Variants in ABR observed in about 807,000 individuals in gnomAD.
ABR encodes the protein ABR activator of RhoGEF and GTPase, also known as active breakpoint cluster region-related protein.
ABR carries 35 observed loss-of-function variants against 107.2 expected under a neutral mutation model. The observed-to-expected ratio is 0.33, with a 90% CI of 0.25 to 0.43. The LOEUF is 0.43. Ranked by LOEUF, ABR falls within the 20% of genes least tolerant of loss-of-function variation. The probability of loss-of-function intolerance (pLI) is 1.00; values close to 1 mark genes in which losing one functional copy is unlikely to be tolerated. For missense variants in ABR, 815 were observed against 1,115.2 expected (o/e 0.73, Z 3.83); for synonymous variants, 498 against 462.0 (o/e 1.08, Z -1.00).
intron 16 of ABR, among the ~76,000 whole-genome samples, chr17:1,019,208 G>T (rs747951708): frequency 1.3e-5 from 2 of 152,178 alleles, no homozygotes; most frequent in Admixed American, 1.3e-4. Context: ...TGCACCTCCT[G>T]ATGCTAAGGC....
chr17:1,203,343 G>A (rs892521410), intron 1 of ABR, among the ~76,000 whole-genome samples: 2 of 148,948 alleles, frequency 1.3e-5, no homozygotes, highest in Admixed American at 1.3e-4. Context: ...GGGTCCGCGG[G>A]GAGGAGCCTG....
chr17:1,053,660 T>A (rs1305176759), intron 14 of ABR, among the ~76,000 whole-genome samples: 1 of 151,848 alleles, frequency 6.6e-6, no homozygotes, highest in African/African-American at 2.4e-5. Context: ...TATGAGTGGG[T>A]CAGGGGTGGC....
At chr17:1,169,193 G>T (rs753421499) in intron 1 of ABR, among the ~76,000 whole-genome samples, 9 of 152,256 alleles carry the variant, frequency 5.9e-5, no homozygotes, top group Non-Finnish European at 1.2e-4. Context: ...CGCAGGAAGA[G>T]GGTGAGCAGA....
intron 1 of ABR, among the ~76,000 whole-genome samples, chr17:1,172,753 A>C (rs550578784): frequency 6.6e-6 from 1 of 151,944 alleles, no homozygotes; most frequent in Non-Finnish European, 1.5e-5. Flanking sequence ...CCATCTCAAA[A>C]AAAAAAGAAA....
intron 1 of ABR, among the ~76,000 whole-genome samples, chr17:1,175,744 G>A (rs74435566): frequency 0.012 from 1,787 of 152,240 alleles, 38 homozygotes; most frequent in East Asian, 0.049. Flanking sequence ...ATGGAAGTGG[G>A]CACACTCCTC....
chr17:1,193,036 G>A (rs1233960866), intron 1 of ABR, among the ~76,000 whole-genome samples: 4 of 152,274 alleles, frequency 2.6e-5, no homozygotes, highest in South Asian at 2.1e-4. Flanking sequence ...CAAAAAGAGC[G>A]AAACTCTATC....
intron 3 of ABR, among the ~76,000 whole-genome samples, chr17:1,094,833 G>A (rs1380208445): frequency 1.3e-5 from 2 of 151,082 alleles, no homozygotes; most frequent in South Asian, 2.1e-4. Context: ...TTGGAGAGCT[G>A]AGCAGGTGGA....
chr17:1,028,749 C>T (rs529708158), intron 16 of ABR, among the ~76,000 whole-genome samples: 1 of 152,338 alleles, frequency 6.6e-6, no homozygotes, highest in Admixed American at 6.5e-5. Flanking sequence ...ACTCAATCTC[C>T]TTACACCCTG....
At chr17:1,079,534 A>C (rs1414566264) in intron 5 of ABR, 144 bp from the exon 6 acceptor site, 4 of 764,910 alleles carry the variant, frequency 5.2e-6, no homozygotes, top group Non-Finnish European at 8.8e-6. Context: ...CACGCCAGTC[A>C]TCCCAGCACT....
chr17:1,006,055 C>G lies in ABR; in HGVS notation c.*25G>C. On this transcript the variant is annotated 3_prime_UTR_variant, in exon 23 of 23. Transcript: ENST00000302538. Reference sequence around the variant, plus strand: ...AGGCTGGAGGGGCTGGTTCCACCACCCGCCCGCAGCCACCCTGCCTCGGGC... The same window carrying G: ...AGGCTGGAGGGGCTGGTTCCACCACGCGCCCGCAGCCACCCTGCCTCGGGC... The G allele has an allele frequency of 6.5e-7, 1 of 1,544,718 alleles. No homozygotes were observed. The highest frequency in any genetic ancestry group is 8.8e-7 in the Non-Finnish European group (1 of 1,140,350).
chr17:1,009,898 G>C, intron 20 of ABR, 114 bp from the exon 21 acceptor site: 1 of 913,252 alleles, frequency 1.1e-6, no homozygotes, highest in Non-Finnish European at 1.7e-6. Context: ...CCAGGCCTTT[G>C]GGGAGCAGAC....
At chr17:1,105,779 C>G (rs2038206113) in intron 2 of ABR, among the ~76,000 whole-genome samples, 1 of 151,762 alleles carries the variant, frequency 6.6e-6, no homozygotes, top group South Asian at 2.1e-4. Flanking sequence ...GGTGGGAGGA[C>G]TGATTGAGTC....
chr17:1,182,661 C>T (rs867229838), upstream of ABR, among the ~76,000 whole-genome samples: 2 of 152,164 alleles, frequency 1.3e-5, no homozygotes, highest in Admixed American at 6.5e-5. Flanking sequence ...CCACCGCGCC[C>T]GGCCTGTTCA....
At chr17:1,162,181 A>C (rs1190093885) in intron 1 of ABR, among the ~76,000 whole-genome samples, 3 of 152,204 alleles carry the variant, frequency 2.0e-5, no homozygotes, top group Non-Finnish European at 4.4e-5. Flanking sequence ...AGTGTTTATC[A>C]ACAGCAACAA....
rs2073274640 is a variant in ABR at position 1,037,346 on chromosome 17, C to T, written c.1791+12704G>A. Among the ~76,000 whole-genome samples the T allele has an allele frequency of 6.6e-6, 1 of 152,170 alleles. No individual in the cohort carries two copies. The highest frequency in any genetic ancestry group is 1.5e-5 in the Non-Finnish European group (1 of 68,018). ...TCACACAGCTCCAGCCTCCCTCTGC[C>T]TGACCTCCAGCCTCTCTCTGGCCAC... On this transcript the variant is annotated intron_variant, in intron 16 of 22. Transcript: ENST00000302538. The surrounding 1 kb of genome is among the most constrained non-coding windows in gnomAD (Gnocchi z 4.6).
intron 2 of ABR, among the ~76,000 whole-genome samples, chr17:1,108,687 T>C (rs1057215854): frequency 2.6e-5 from 4 of 152,112 alleles, no homozygotes; most frequent in African/African-American, 9.7e-5. Flanking sequence ...GCCAGGTGAC[T>C]CCTGGCACAG....
chr17:1,100,585 A>G, intron 3 of ABR, 52 bp downstream of exon 3: 1 of 1,549,656 alleles, frequency 6.5e-7, no homozygotes, highest in Non-Finnish European at 8.9e-7. Flanking sequence ...GCATGACATC[A>G]CCCAACACGG....
intron 4 of ABR, among the ~76,000 whole-genome samples, chr17:1,085,875 G>A (rs181084860): frequency 8.6e-4 from 131 of 152,230 alleles, no homozygotes; most frequent in African/African-American, 2.9e-3. Context: ...GGCCAGGCGC[G>A]GTGGCTCACA....
chr17:1,223,339 A>C (rs1166612256), intron 1 of ABR, among the ~76,000 whole-genome samples: 1 of 151,662 alleles, frequency 6.6e-6, no homozygotes. Flanking sequence ...AGACACGAAT[A>C]CCCTCCATCG....
Sources: allele counts gnomAD v4.1 joint callset (sites outside exome capture counted in the v4.1 genomes callset), GRCh38; gene constraint gnomAD v4.1.1; non-coding constraint Gnocchi (gnomAD v3.1); transcripts MANE v1.5; gene names NCBI Gene and HGNC (gene_info 2026-07-23, HGNC 2026-07-21).